Variants in FARSB observed in about 807,000 individuals in gnomAD.
FARSB encodes phenylalanyl-tRNA synthetase subunit beta, also known as phenylalanine--tRNA ligase beta subunit.
FARSB carries 40 observed loss-of-function variants against 69.6 expected under a neutral mutation model. The ratio of observed to expected loss-of-function variants is 0.57; its 90% CI spans 0.45 to 0.75. The LOEUF (loss-of-function observed/expected upper bound fraction) is 0.75. FARSB is among the 30% of genes least tolerant of loss of function. The probability of loss-of-function intolerance (pLI) is 0.00; values close to 1 mark genes in which losing one functional copy is unlikely to be tolerated. For synonymous variants in FARSB, 235 were observed against 247.2 expected (o/e 0.95, Z 0.46); for missense variants, 632 against 722.9 (o/e 0.87, Z 1.44).
intron 2 of FARSB, among the ~76,000 whole-genome samples, chr2:222,643,751 C>G (rs542847355): frequency 5.3e-5 from 8 of 152,286 alleles, no homozygotes; most frequent in Non-Finnish European, 1.0e-4. Flanking sequence ...AGGGATAGTG[C>G]AGCAGAATGA....
At chr2:222,595,544 A>G (rs1690388230) in intron 16 of FARSB, among the ~76,000 whole-genome samples, 1 of 152,354 alleles carries the variant, frequency 6.6e-6, no homozygotes, top group Admixed American at 6.5e-5. Context: ...TCTGAGCAGC[A>G]TGAAAACTAG....
At chr2:222,587,910 G>T (rs1398116972) in intron 16 of FARSB, among the ~76,000 whole-genome samples, 2 of 152,164 alleles carry the variant, frequency 1.3e-5, no homozygotes, top group Non-Finnish European at 2.9e-5. Context: ...TGGATTCACA[G>T]CCAAATTCTA....
intron 3 of FARSB, 112 bp from the exon 4 acceptor site, chr2:222,641,043 G>T: frequency 1.6e-5 from 6 of 384,730 alleles, no homozygotes; most frequent in Admixed American, 4.8e-5. Flanking sequence ...GCAATGGGTT[G>T]AGTTACAGCA....
chr2:222,624,223 TAATC>T (rs1318802917), intron 12 of FARSB, 45 bp downstream of exon 12: 10 of 1,212,826 alleles, frequency 8.2e-6, no homozygotes, highest in Admixed American at 3.4e-5. Context: ...TGGCATTAAA[TAATC>T]AGTTTCTAAC....
At chr2:222,627,626 C>T (rs970783351) in intron 10 of FARSB, among the ~76,000 whole-genome samples, 17 of 152,184 alleles carry the variant, frequency 1.1e-4, no homozygotes, top group African/African-American at 3.6e-4. Context: ...AGCTAACTGA[C>T]AATAGATATT....
intron 10 of FARSB, among the ~76,000 whole-genome samples, chr2:222,626,030 T>C (rs1006844292): frequency 2.6e-5 from 4 of 152,250 alleles, no homozygotes; most frequent in African/African-American, 9.6e-5. Flanking sequence ...GTGGATCACC[T>C]GAGGTCAGGA....
At chr2:222,590,069 T>C (rs1394079454) in intron 16 of FARSB, among the ~76,000 whole-genome samples, 1 of 152,160 alleles carries the variant, frequency 6.6e-6, no homozygotes, top group Non-Finnish European at 1.5e-5. Flanking sequence ...TGCACACGTA[T>C]GTTTATTGCG....
At chr2:222,598,211 T>C (rs1690472696) in intron 16 of FARSB, among the ~76,000 whole-genome samples, 3 of 152,250 alleles carry the variant, frequency 2.0e-5, no homozygotes, top group Admixed American at 6.5e-5. Context: ...AGGGTCGGTA[T>C]GTGGTGGTCT....
At chr2:222,574,646 G>A (rs1420516026) in intron 16 of FARSB, among the ~76,000 whole-genome samples, 1 of 152,168 alleles carries the variant, frequency 6.6e-6, no homozygotes, top group African/African-American at 2.4e-5. Context: ...ATGTAAAAAT[G>A]AAGCCCAGTC....
rs77319046 is a variant in FARSB, at chr2:222,633,120, A to T, written c.715+79T>A. ...GAGTTATTTGAATTTGATTCAGCCA[A>T]GTCTATTGAGAATTCTACAGAAATG... On this transcript the variant is annotated intron_variant, in intron 7 of 16. Coordinates refer to ENST00000281828, the MANE Select transcript of FARSB (RefSeq NM_005687.5). 1.0e-3 allele frequency: 815 copies of T among 792,334 alleles called. 5 individuals carry two copies. In the African/African-American group the frequency reaches 0.013, roughly 12 times the overall value. 49.1% of individuals were successfully genotyped at this position (792,334 alleles called of 1,614,324 possible).
intron 6 of FARSB, among the ~76,000 whole-genome samples, 164 bp from the exon 7 acceptor site, chr2:222,633,471 T>C (rs1318082422): frequency 6.6e-6 from 1 of 151,196 alleles, no homozygotes; most frequent in Non-Finnish European, 1.5e-5. Flanking sequence ...TCACCTGAGG[T>C]TGGGAGTTCA....
In FARSB at chr2:222,569,000, G is replaced by A. The variant is rs1432540940; in HGVS notation, c.*2871C>T. 1.3e-5 allele frequency: 2 copies of A among 152,192 alleles called. No homozygotes were observed. The highest frequency in any genetic ancestry group is 1.5e-5 in the Non-Finnish European group (1 of 68,020). 9.4% of individuals were successfully genotyped at this position (152,192 alleles called of 1,614,324 possible). A position where few individuals can be genotyped will look rare whatever the true frequency, so the allele number is the denominator to read the frequency against. On this transcript the variant is annotated 3_prime_UTR_variant, in exon 17 of 17. Coordinates refer to ENST00000281828, the MANE Select transcript of FARSB (RefSeq NM_005687.5). This position sits in a 1 kb window ranked among gnomAD's most constrained non-coding sequence, Gnocchi z 4.3. ...TTTACTAAGAAGGTGTGCATCTTCT[G>A]TAATAAAGGCTTTTGGCAGTACTCA... is the stretch of plus-strand genomic sequence containing the variant.
chr2:222,627,646 T>A (rs1158963942), intron 10 of FARSB, among the ~76,000 whole-genome samples: 1 of 152,254 alleles, frequency 6.6e-6, no homozygotes, highest in African/African-American at 2.4e-5. Context: ...TTAATCCAAA[T>A]CAACTTTTAA....
intron 15 of FARSB, among the ~76,000 whole-genome samples, chr2:222,610,328 T>C (rs1346932645): frequency 6.6e-6 from 1 of 152,088 alleles, no homozygotes; most frequent in African/African-American, 2.4e-5. Context: ...TAGAAGGAAA[T>C]TGCTAATGTG....
At chr2:222,610,637 AT>A (rs1690824852) in intron 15 of FARSB, among the ~76,000 whole-genome samples, 1 of 152,230 alleles carries the variant, frequency 6.6e-6, no homozygotes, top group Non-Finnish European at 1.5e-5. Flanking sequence ...CTTTCAAGTC[AT>A]TCTAGTAAAA....
intron 14 of FARSB, 104 bp from the exon 15 acceptor site, chr2:222,614,032 A>G: frequency 1.7e-6 from 1 of 593,596 alleles, no homozygotes; most frequent in East Asian, 2.8e-5. Flanking sequence ...TCATAGGAAG[A>G]CACTTCTGGA....
intron 16 of FARSB, among the ~76,000 whole-genome samples, chr2:222,597,549 A>T (rs1208753941): frequency 6.6e-6 from 1 of 152,336 alleles, no homozygotes; most frequent in East Asian, 1.9e-4. Flanking sequence ...AATTCAAATT[A>T]TAACATCATA....
intron 13 of FARSB, among the ~76,000 whole-genome samples, chr2:222,622,179 G>T (rs1243201320): frequency 2.0e-5 from 3 of 152,198 alleles, no homozygotes; most frequent in Non-Finnish European, 2.9e-5. Context: ...CCTTGGCACA[G>T]GGTAAACATT....
Position 222,600,059 on chromosome 2 carries a change from T to C in FARSB, c.1487A>G (p.His496Arg), listed in dbSNP as rs1372677479. Residue 496 changes from histidine (H) to arginine (R), a missense_variant, in exon 16 of 17, where the codon CAT becomes CGT. Transcript: ENST00000281828. Reference protein sequence around the residue: ...NTDVGAKNYRHLCAVYYNKNP... With the variant: ...NTDVGAKNYRRLCAVYYNKNP... ...CTTGTTGTAATAAACAGCACAGAGA[T>C]GTCTGTAGTTTTTTGCACCTACATC... 3.1e-6 allele frequency: 5 copies of C among 1,608,044 alleles called. No homozygotes were observed. Among genetic ancestry groups the C allele is most frequent in the Non-Finnish European group, 4.2e-6 (5 of 1,178,634 alleles).
Sources: allele counts gnomAD v4.1 joint callset (sites outside exome capture counted in the v4.1 genomes callset), GRCh38; gene constraint gnomAD v4.1.1; non-coding constraint Gnocchi (gnomAD v3.1); transcripts MANE v1.5; gene names NCBI Gene and HGNC (gene_info 2026-07-23, HGNC 2026-07-21).